The following FAM168B variants were observed in gnomAD, a reference collection of about 807,000 sequenced individuals.
FAM168B encodes family with sequence similarity 168 member B.
Under a neutral mutation model 21.8 loss-of-function variants are expected in FAM168B, and 19 were observed. The observed-to-expected ratio is 0.87, with a 90% CI of 0.61 to 1.28. FAM168B has a LOEUF of 1.28. Among genes scored for constraint, FAM168B ranks in the 50% most tolerant of loss-of-function variants. The pLI, the probability that FAM168B is intolerant of heterozygous loss-of-function variation, is 0.00. For missense variants in FAM168B, 233 were observed against 263.1 expected (o/e 0.89, Z 0.79); for synonymous variants, 126 against 104.8 (o/e 1.20, Z -1.24).
intron 3 of FAM168B, among the ~76,000 whole-genome samples, chr2:131,056,521 T>C (rs1692028886): frequency 6.6e-6 from 1 of 152,128 alleles, no homozygotes; most frequent in Non-Finnish European, 1.5e-5. Context: ...AGACCCCATC[T>C]AGTAGAGTGG....
At chr2:131,082,401 A>T (rs1693468567) in intron 2 of FAM168B, among the ~76,000 whole-genome samples, 176 bp downstream of exon 2, 1 of 152,202 alleles carries the variant, frequency 6.6e-6, no homozygotes, top group Non-Finnish European at 1.5e-5. Flanking sequence ...TGCTGGAGCC[A>T]CTAGATCAAG....
chr2:131,084,178 T>C (rs528836031), intron 1 of FAM168B, among the ~76,000 whole-genome samples: 4 of 150,482 alleles, frequency 2.7e-5, no homozygotes, highest in Non-Finnish European at 4.4e-5. Flanking sequence ...GGGACTGTAT[T>C]TCTCCCCTCC....
chr2:131,076,005 A>C (rs553019778), intron 2 of FAM168B, among the ~76,000 whole-genome samples: 7 of 151,564 alleles, frequency 4.6e-5, no homozygotes, highest in Admixed American at 3.9e-4. Flanking sequence ...CTCTGTCACC[A>C]CTCTGACCCA....
chr2:131,091,929 A>G (rs1694052867), intron 1 of FAM168B, among the ~76,000 whole-genome samples: 1 of 150,686 alleles, frequency 6.6e-6, no homozygotes, highest in African/African-American at 2.4e-5. Context: ...GGAGATTGGG[A>G]CCATCCTGGC....
chr2:131,085,075 A>C (rs1282459046), intron 1 of FAM168B, among the ~76,000 whole-genome samples: 2 of 152,172 alleles, frequency 1.3e-5, no homozygotes, highest in Non-Finnish European at 2.9e-5. Context: ...TTTAAGATTA[A>C]AACAGCATGT....
At position 131,055,395 on chromosome 2, in the gene FAM168B, G is replaced by A. The variant is rs778354039; in HGVS notation, c.352C>T (p.His118Tyr). ...CCGTTGGGCTGCACCACCGTGGTGT[G>A]GTGGATGACGTGAGGAGGTGCTGCA... ...LYAAPPHVIHHTTVVQPNGMP... is the reference protein window; with the variant it reads ...LYAAPPHVIHYTTVVQPNGMP... Residue 118 changes from histidine to tyrosine, a missense_variant, in exon 5 of 7, where the codon CAC becomes TAC. Transcript: ENST00000389915. The A allele has an allele frequency of 6.2e-7, 1 of 1,607,206 alleles. No homozygotes were observed. Among genetic ancestry groups the A allele is most frequent in the Non-Finnish European group, 8.5e-7 (1 of 1,177,826 alleles).
chr2:131,086,139 G>T (rs1030282437), intron 1 of FAM168B, among the ~76,000 whole-genome samples: 1 of 152,274 alleles, frequency 6.6e-6, no homozygotes, highest in Admixed American at 6.5e-5. Context: ...TTTAACCCAT[G>T]CTTGGCGGAT....
In FAM168B at chr2:131,071,820, T is replaced by TGTAC. The variant is rs1197560105; in HGVS notation, c.154+31_154+34dup. On this transcript the variant is annotated intron_variant, in intron 3 of 6. Coordinates refer to ENST00000389915, the MANE Select transcript of FAM168B (RefSeq NM_001009993.4). ...CACCCCTTCACCTTTCTCTCCCAGC[T>TGTAC]GTACGTACAAAGCATTTTACCACCC... The TGTAC allele has an allele frequency of 1.9e-6, 3 of 1,570,334 alleles. No homozygotes were observed. In the East Asian group the frequency reaches 6.7e-5, roughly 35 times the overall value.
intron 1 of FAM168B, among the ~76,000 whole-genome samples, chr2:131,087,480 GTAA>G (rs1693772541): frequency 2.0e-5 from 3 of 152,062 alleles, no homozygotes; most frequent in South Asian, 4.1e-4. Context: ...TCAAAAAATA[GTAA>G]TAATAATAAT....
chr2:131,082,601 T>C lies in FAM168B; in HGVS notation c.46A>G (p.Asn16Asp), dbSNP rs1693475997. ...SPGSSGVPYA[N>D]AKGIGYPAGF... ...CCTGGATAACCAATTCCTTTGGCAT[T>C]TGCATAGGGAACCCCAGAAGATCCA... is the stretch of plus-strand genomic sequence containing the variant. The change falls in exon 2 of 7, where the codon AAT becomes GAT. Residue 16 changes from asparagine to aspartate, a missense_variant. Coordinates refer to ENST00000389915, the MANE Select transcript of FAM168B (RefSeq NM_001009993.4). 6.2e-7 allele frequency: 1 copy of C among 1,609,502 alleles called. No individual in the cohort carries two copies.
At chr2:131,065,216 A>G (rs1191125010) in intron 3 of FAM168B, among the ~76,000 whole-genome samples, 1 of 152,326 alleles carries the variant, frequency 6.6e-6, no homozygotes, top group East Asian at 1.9e-4. Flanking sequence ...GCAGCTTTAA[A>G]GAGTTAAAGA....
At chr2:131,061,654 C>T (rs1350225807) in intron 3 of FAM168B, among the ~76,000 whole-genome samples, 1 of 152,066 alleles carries the variant, frequency 6.6e-6, no homozygotes, top group Non-Finnish European at 1.5e-5. Flanking sequence ...GGTGGCCACA[C>T]GACTGTAGTC....
At chr2:131,090,319 C>CAAA (rs1179969129) in intron 1 of FAM168B, among the ~76,000 whole-genome samples, 39 of 75,142 alleles carry the variant, frequency 5.2e-4, no homozygotes, top group East Asian at 8.5e-4. Context: ...ACTCTTGTCT[C>CAAA]AAAAAAAAAA....
intron 2 of FAM168B, among the ~76,000 whole-genome samples, chr2:131,073,833 C>A (rs961440859): frequency 1.3e-5 from 2 of 152,242 alleles, no homozygotes; most frequent in Non-Finnish European, 2.9e-5. Context: ...GGAATGCATA[C>A]ACACAGAAAT....
intron 2 of FAM168B, among the ~76,000 whole-genome samples, chr2:131,078,846 C>T (rs943790971): frequency 2.0e-5 from 3 of 151,918 alleles, no homozygotes; most frequent in African/African-American, 7.3e-5. Context: ...ATTATTCAGG[C>T]ATGGTAGCGC....
chr2:131,073,854 C>A (rs891154502), intron 2 of FAM168B, among the ~76,000 whole-genome samples: 3 of 152,224 alleles, frequency 2.0e-5, no homozygotes, highest in African/African-American at 7.2e-5. Context: ...GGGAAAAATC[C>A]AACTACAGTC....
Position 131,051,990 on chromosome 2 carries a change from G to T in FAM168B, c.*475C>A. 1.0e-6 allele frequency: 1 copy of T among 985,610 alleles called. No individual in the cohort carries two copies. Among genetic ancestry groups the T allele is most frequent in the South Asian group, 4.7e-5 (1 of 21,288 alleles). 61.1% of individuals were successfully genotyped at this position (985,610 alleles called of 1,614,324 possible). A position where few individuals can be genotyped will look rare whatever the true frequency, so the allele number is the denominator to read the frequency against. On this transcript the variant is annotated 3_prime_UTR_variant, in exon 7 of 7. Transcript: ENST00000389915. ...TTGAAGAATCATCTAAGATATTTCAGATGCTCTATGAAGAAATTCACTTTA... is the reference window on the plus strand; with the variant it reads ...TTGAAGAATCATCTAAGATATTTCATATGCTCTATGAAGAAATTCACTTTA...
intron 1 of FAM168B, among the ~76,000 whole-genome samples, chr2:131,086,804 G>A (rs555889805): frequency 2.3e-5 from 3 of 131,532 alleles, no homozygotes; most frequent in Non-Finnish European, 4.5e-5. Context: ...GGTGGCTCAC[G>A]CCTGTAATCC....
intron 2 of FAM168B, among the ~76,000 whole-genome samples, chr2:131,075,275 T>A (rs72863224): frequency 0.19 from 26,731 of 144,154 alleles, 2,782 homozygotes; most frequent in Non-Finnish European, 0.25. Context: ...TTCCTTCTTT[T>A]AAAAAAAAAA....
Sources: gnomAD v4.1 joint callset for allele counts (sites outside exome capture counted in the v4.1 genomes callset) on GRCh38, gnomAD v4.1.1 for gene constraint, MANE v1.5 for transcripts, NCBI Gene and HGNC (gene_info 2026-07-23, HGNC 2026-07-21) for gene names.